PREX1: variants seen among roughly 807,000 people sequenced by gnomAD.
PREX1 encodes phosphatidylinositol 3,4,5-trisphosphate-dependent Rac exchanger 1 protein.
In PREX1, 41 loss-of-function variants were observed where a neutral mutation model predicts 198.3. The observed-to-expected ratio is 0.21, with a 90% CI of 0.16 to 0.27. The LOEUF (loss-of-function observed/expected upper bound fraction) is 0.27, where lower values mean the gene tolerates loss of function less well. Ranked by LOEUF, PREX1 falls within the 10% of genes least tolerant of loss-of-function variation. The probability of loss-of-function intolerance (pLI) is 1.00; values close to 1 mark genes in which losing one functional copy is unlikely to be tolerated. For synonymous variants in PREX1, 843 were observed against 887.2 expected (o/e 0.95, Z 0.89); for missense variants, 1,620 against 2,200.7 (o/e 0.74, Z 5.28).
chr20:48,672,225 C>T (rs1568816563), intron 14 of PREX1, among the ~76,000 whole-genome samples: 1 of 152,254 alleles, frequency 6.6e-6, no homozygotes, highest in Non-Finnish European at 1.5e-5. Context: ...CCAGCTCAGT[C>T]AATGGCAGCT....
intron 25 of PREX1, 47 bp from the exon 26 acceptor site, chr20:48,646,104 T>G (rs777859620): frequency 6.3e-7 from 1 of 1,580,316 alleles, no homozygotes; most frequent in Admixed American, 1.7e-5. Flanking sequence ...CCTGGCCCTT[T>G]GTGTCCCTTC....
At chr20:48,742,547 C>T (rs1402088261) in intron 3 of PREX1, among the ~76,000 whole-genome samples, 1 of 152,056 alleles carries the variant, frequency 6.6e-6, no homozygotes, top group Non-Finnish European at 1.5e-5. Flanking sequence ...CCAGGAAGGC[C>T]CCAGCACAGA....
intron 5 of PREX1, among the ~76,000 whole-genome samples, chr20:48,725,618 T>C (rs1362840581): frequency 6.6e-6 from 1 of 152,240 alleles, no homozygotes; most frequent in Non-Finnish European, 1.5e-5. Flanking sequence ...GGTTCATCTG[T>C]CCTCACTCAT....
chr20:48,651,974 C>A (rs2089501779), intron 21 of PREX1, among the ~76,000 whole-genome samples: 1 of 152,184 alleles, frequency 6.6e-6, no homozygotes, highest in African/African-American at 2.4e-5. Flanking sequence ...GAAACAGATT[C>A]TCCCCGAGAG....
At chr20:48,698,537 A>AG (rs895278045) in intron 7 of PREX1, among the ~76,000 whole-genome samples, 1 of 152,132 alleles carries the variant, frequency 6.6e-6, no homozygotes, top group African/African-American at 2.4e-5. Flanking sequence ...AAAGAGAAGA[A>AG]GGGGGCGTTC....
chr20:48,816,979 T>C (rs1163815478), intron 1 of PREX1, among the ~76,000 whole-genome samples: 1 of 152,246 alleles, frequency 6.6e-6, no homozygotes, highest in Non-Finnish European at 1.5e-5. Flanking sequence ...CATCTCTGTG[T>C]GATCCTAGGC....
intron 1 of PREX1, among the ~76,000 whole-genome samples, chr20:48,758,516 C>T (rs1327897709): frequency 2.6e-5 from 4 of 152,144 alleles, no homozygotes; most frequent in Admixed American, 2.0e-4. Context: ...GCCACACAGG[C>T]CAGGCACTTC....
At chr20:48,850,023 G>A in the PREX1 span, among the ~76,000 whole-genome samples, 14,140 of 152,198 alleles carry the variant, frequency 0.093, 826 homozygotes, top group Middle Eastern at 0.15. Flanking sequence ...TTTTCCATCT[G>A]AAAGATGGGA....
In PREX1 at chr20:48,632,549, G is replaced by A. The variant is rs2089323522; in HGVS notation, c.4358C>T (p.Ser1453Phe). Reference sequence around the variant, plus strand: ...CAGGCTGGCCCCACCCTCCAGGCGGGAGGGCAGCTTGGAGAAGTGGTAGCT... The same window carrying A: ...CAGGCTGGCCCCACCCTCCAGGCGGAAGGGCAGCTTGGAGAAGTGGTAGCT... The part of the protein sequence containing the change: ...LDSYHFSKLP[S>F]RLEGGASLRL... Residue 1453 changes from serine (S) to phenylalanine (F), a missense_variant, in exon 34 of 40, where the codon TCC becomes TTC. Coordinates refer to ENST00000371941, the MANE Select transcript of PREX1 (RefSeq NM_020820.4). The A allele has an allele frequency of 6.2e-7, 1 of 1,614,042 alleles. No homozygotes were observed. Among genetic ancestry groups the A allele is most frequent in the Middle Eastern group, 1.6e-4 (1 of 6,062 alleles).
chr20:48,746,014 T>C (rs1028801427), intron 2 of PREX1, among the ~76,000 whole-genome samples: 1 of 152,186 alleles, frequency 6.6e-6, no homozygotes, highest in African/African-American at 2.4e-5. Context: ...TAAATTATTA[T>C]TATTATTTTC....
chr20:48,788,255 T>C (rs898275462), intron 1 of PREX1, among the ~76,000 whole-genome samples: 2 of 152,198 alleles, frequency 1.3e-5, no homozygotes, highest in African/African-American at 4.8e-5. Flanking sequence ...AGATATGATG[T>C]AACCTGGGTG....
rs8114388 is a variant in PREX1 at position 48,624,447 on chromosome 20, G to A, written c.*1438C>T. The A allele has an allele frequency of 0.13, 19,261 of 152,660 alleles. 1,277 individuals are homozygous for A. Among genetic ancestry groups the A allele is most frequent in the African/African-American group, 0.17 (6,959 of 41,522 alleles). 9.5% of individuals were successfully genotyped at this position (152,660 alleles called of 1,614,324 possible). A position where few individuals can be genotyped will look rare whatever the true frequency, so the allele number is the denominator to read the frequency against. ...AGTGACAAGGCCACTGCCTGCCCTC[G>A]TGTATGCTGCGGCAAGAGAGGGAAG... On this transcript the variant is annotated 3_prime_UTR_variant, in exon 40 of 40. Transcript: ENST00000371941.
intron 1 of PREX1, among the ~76,000 whole-genome samples, chr20:48,750,919 T>TAG (rs1355940769): frequency 1.3e-5 from 2 of 152,202 alleles, no homozygotes; most frequent in Non-Finnish European, 2.9e-5. Flanking sequence ...GAAAGTGCAC[T>TAG]AGCCTCTCTA....
At chr20:48,852,961 C>T in the PREX1 span, among the ~76,000 whole-genome samples, 1 of 151,972 alleles carries the variant, frequency 6.6e-6, no homozygotes, top group African/African-American at 2.4e-5. Context: ...AGAGTGTTGG[C>T]TGGGTGGGTA....
chr20:48,744,752 C>T (rs1259183087), intron 3 of PREX1, among the ~76,000 whole-genome samples: 2 of 152,190 alleles, frequency 1.3e-5, no homozygotes, highest in African/African-American at 2.4e-5. Context: ...GCCAGGAGGT[C>T]GCAGGACTCC....
intron 29 of PREX1, 74 bp downstream of exon 29, chr20:48,642,094 T>C: frequency 6.8e-7 from 1 of 1,480,090 alleles, no homozygotes. Flanking sequence ...AGCTGAGCAT[T>C]AGCCCGGGTA....
chr20:48,627,677 TG>T lies in PREX1; in HGVS notation c.4870-63del, dbSNP rs536663099. 5.9e-4 allele frequency: 295 copies of T among 498,554 alleles called. 1 individual carries two copies. The African/African-American group carries it at 9.7e-3, about 16-fold the overall frequency. The allele number at this position is 498,554 out of a possible 1,614,324, so 30.9% of individuals were successfully genotyped here. ...GTTCAGGGCACGTGAGGAAGCACAC[TG>T]GGGGGTGGGGGTGGGGCCCAGAAGC... On this transcript the variant is annotated intron_variant, in intron 38 of 39. Transcript: ENST00000371941.
chr20:48,757,883 C>T (rs1172957020), intron 1 of PREX1, among the ~76,000 whole-genome samples: 4 of 152,154 alleles, frequency 2.6e-5, no homozygotes, highest in Non-Finnish European at 4.4e-5. Context: ...ACTGCATTGT[C>T]AAAAAGAATA....
At chr20:48,751,587 T>C (rs901816030) in intron 1 of PREX1, among the ~76,000 whole-genome samples, 2 of 152,158 alleles carry the variant, frequency 1.3e-5, no homozygotes, top group Non-Finnish European at 2.9e-5. Context: ...CAGCACGGCG[T>C]CCCCTGCACT....
Sources: gnomAD v4.1 joint callset for allele counts (sites outside exome capture counted in the v4.1 genomes callset) on GRCh38, gnomAD v4.1.1 for gene constraint, MANE v1.5 for transcripts, NCBI Gene and HGNC (gene_info 2026-07-23, HGNC 2026-07-21) for gene names.